The following IQUB variants were observed in gnomAD, a reference collection of about 807,000 sequenced individuals.
IQUB encodes the protein IQ motif and ubiquitin domain containing.
IQUB carries 86 observed loss-of-function variants against 86.4 expected under a neutral mutation model. The observed-to-expected ratio is 1.00, with a 90% confidence interval of 0.84 to 1.19. The LOEUF (loss-of-function observed/expected upper bound fraction) is 1.19, where lower values mean the gene tolerates loss of function less well. IQUB is among the 50% of genes most tolerant of loss of function. The pLI is 0.00. For synonymous variants in IQUB, 289 were observed against 304.5 expected (o/e 0.95, Z 0.53); for missense variants, 946 against 916.9 (o/e 1.03, Z -0.41).
At chr7:123,475,020 A>G (rs1291285184) in intron 8 of IQUB, among the ~76,000 whole-genome samples, 1 of 152,168 alleles carries the variant, frequency 6.6e-6, no homozygotes, top group African/African-American at 2.4e-5. Context: ...CTGGACATGG[A>G]GCCCAGCTTA....
chr7:123,456,170 C>T (rs922753467), intron 12 of IQUB, among the ~76,000 whole-genome samples: 1 of 151,998 alleles, frequency 6.6e-6, no homozygotes, highest in African/African-American at 2.4e-5. Flanking sequence ...TTCGATAAGA[C>T]TGGCATTCTA....
chr7:123,491,358 T>C (rs76468474), intron 7 of IQUB, among the ~76,000 whole-genome samples: 2,521 of 151,296 alleles, frequency 0.017, 70 homozygotes, highest in African/African-American at 0.058. Context: ...AGGAAATAAA[T>C]AACAATAGAA....
At chr7:123,469,506 C>G (rs1006210409) in intron 8 of IQUB, 122 bp from the exon 9 acceptor site, 1 of 476,370 alleles carries the variant, frequency 2.1e-6, no homozygotes, top group African/African-American at 2.0e-5. Flanking sequence ...ATTGCTAAAG[C>G]TTATGAAAAT....
Position 123,464,994 on chromosome 7 carries a change from GTTTACAT to G in IQUB, c.1590_1596del (p.Glu530AspfsTer2), listed in dbSNP as rs1277180208. The G allele has an allele frequency of 1.9e-6, 3 of 1,586,138 alleles. No homozygotes were observed. Among genetic ancestry groups the G allele is most frequent in the Non-Finnish European group, 2.6e-6 (3 of 1,165,940 alleles). On this transcript the variant is annotated frameshift_variant, in exon 10 of 13. Coordinates refer to ENST00000324698, the MANE Select transcript of IQUB (RefSeq NM_178827.5). LOFTEE classifies it high-confidence loss of function. Reference sequence around the variant, plus strand: ...ATCAATTCTAGAATTTCCTGAGTTAGTTTACATTCATGTTCCTATATAAAACACAAAA... The same window carrying G: ...ATCAATTCTAGAATTTCCTGAGTTAGTCATGTTCCTATATAAAACACAAAA...
At position 123,512,031 on chromosome 7, in the gene IQUB, G is replaced by C; in HGVS notation, c.310C>G (p.Pro104Ala). 1 of 1,613,136 alleles carries C rather than the reference G, an allele frequency of 6.2e-7. No homozygotes were observed. The highest frequency in any genetic ancestry group is 8.5e-7 in the Non-Finnish European group (1 of 1,179,290). ...HHEKQYAMQRPNDDSLAFLDK... is the reference protein window; with the variant it reads ...HHEKQYAMQRANDDSLAFLDK... ...AGAAATGCCAAACTATCATCATTTG[G>C]CCTCTGCATTGCATATTGCTTTTCA... Residue 104 changes from proline (P) to alanine (A), a missense_variant, in exon 2 of 13, where the codon CCA becomes GCA. Pro to Ala is a conservative substitution (Grantham distance 27, BLOSUM62 -1). Transcript: ENST00000324698.
intron 8 of IQUB, among the ~76,000 whole-genome samples, chr7:123,475,373 CTTTT>C (rs35957699): frequency 1.1e-5 from 1 of 92,936 alleles, no homozygotes; most frequent in Non-Finnish European, 2.2e-5. Flanking sequence ...CTCCATTTCA[CTTTT>C]TTTTTTTTTT....
In IQUB at chr7:123,493,774, T is replaced by C. The variant is rs73720261; in HGVS notation, c.1234+2922A>G. On this transcript the variant is annotated intron_variant, in intron 7 of 12. Transcript: ENST00000324698. Reference sequence around the variant, plus strand: ...GTGTGTGTGTGTGTGTGTGTGTGTGTGCATGTGTGTATATATACATATACA... The same window carrying C: ...GTGTGTGTGTGTGTGTGTGTGTGTGCGCATGTGTGTATATATACATATACA... Among the ~76,000 whole-genome samples, 1,252 of 144,846 alleles carry C rather than the reference T, an allele frequency of 8.6e-3. 14 individuals carry two copies. Among genetic ancestry groups the C allele is most frequent in the African/African-American group, 0.029 (1,134 of 38,686 alleles).
At chr7:123,459,090 A>C (rs1486009346) in intron 11 of IQUB, among the ~76,000 whole-genome samples, 1 of 151,960 alleles carries the variant, frequency 6.6e-6, no homozygotes, top group Non-Finnish European at 1.5e-5. Flanking sequence ...AGGGGGGGGA[A>C]GCTACTGGAC....
chr7:123,521,575 C>T (rs1301014094), intron 1 of IQUB, among the ~76,000 whole-genome samples: 2 of 151,532 alleles, frequency 1.3e-5, no homozygotes, highest in South Asian at 2.1e-4. Context: ...TCAGCCAGGG[C>T]GGTGGAGATT....
chr7:123,508,215 A>C (rs1425161304), intron 3 of IQUB, among the ~76,000 whole-genome samples: 2 of 152,182 alleles, frequency 1.3e-5, no homozygotes, highest in East Asian at 3.9e-4. Context: ...CAAGAAATGC[A>C]ACTCTAAAAG....
chr7:123,508,083 A>G (rs957744970), intron 3 of IQUB, among the ~76,000 whole-genome samples: 6 of 152,156 alleles, frequency 3.9e-5, no homozygotes, highest in African/African-American at 1.4e-4. Flanking sequence ...TCCCCTTATT[A>G]GAGGAAGGAA....
chr7:123,530,482 C>A (rs1324532465), intron 1 of IQUB, among the ~76,000 whole-genome samples: 1 of 151,704 alleles, frequency 6.6e-6, no homozygotes, highest in African/African-American at 2.4e-5. Context: ...AACAACAACA[C>A]CAAAAAACCC....
chr7:123,487,909 T>G (rs972058745), intron 7 of IQUB, among the ~76,000 whole-genome samples: 2 of 152,202 alleles, frequency 1.3e-5, no homozygotes, highest in African/African-American at 4.8e-5. Flanking sequence ...CCTTTTTAGG[T>G]GATTTCCTTT....
chr7:123,479,429 C>A (rs1036452728), intron 8 of IQUB, among the ~76,000 whole-genome samples: 3 of 152,112 alleles, frequency 2.0e-5, no homozygotes, highest in Non-Finnish European at 4.4e-5. Flanking sequence ...GCACCCCAGA[C>A]CTAGATGTTT....
intron 7 of IQUB, among the ~76,000 whole-genome samples, chr7:123,494,388 G>A (rs1046247164): frequency 6.6e-6 from 1 of 152,120 alleles, no homozygotes; most frequent in African/African-American, 2.4e-5. Flanking sequence ...CCACAAGAGG[G>A]CAGCAGCTCC....
At chr7:123,525,771 C>A (rs1275216527) in intron 1 of IQUB, among the ~76,000 whole-genome samples, 3 of 151,842 alleles carry the variant, frequency 2.0e-5, no homozygotes, top group African/African-American at 7.3e-5. Flanking sequence ...TCTTGCTTTT[C>A]TAGTTCTTTT....
In IQUB at chr7:123,534,578, T is replaced by C. The variant is rs573957929; in HGVS notation, c.-91A>G. Reference sequence around the variant, plus strand: ...CCATACTCGCCGCGTTCTCAGCTGTTGGTCGTATCCTAGCAACGGCCCTGG... The same window carrying C: ...CCATACTCGCCGCGTTCTCAGCTGTCGGTCGTATCCTAGCAACGGCCCTGG... On this transcript the variant is annotated 5_prime_UTR_variant, in exon 1 of 13. Coordinates refer to ENST00000324698, the MANE Select transcript of IQUB (RefSeq NM_178827.5). The C allele has an allele frequency of 1.8e-3, 271 of 154,342 alleles. 1 individual carries two copies. Among genetic ancestry groups the C allele is most frequent in the Non-Finnish European group, 3.4e-3 (236 of 69,044 alleles). The allele number at this position is 154,342 out of a possible 1,614,324, so 9.6% of individuals were successfully genotyped here. A position where few individuals can be genotyped will look rare whatever the true frequency, so the allele number is the denominator to read the frequency against.
intron 7 of IQUB, among the ~76,000 whole-genome samples, chr7:123,486,356 C>T (rs1005088103): frequency 6.6e-6 from 1 of 152,096 alleles, no homozygotes; most frequent in Non-Finnish European, 1.5e-5. Flanking sequence ...TCCTGCACAC[C>T]CTTTGAAGCC....
chr7:123,523,780 C>T (rs28834523), intron 1 of IQUB, among the ~76,000 whole-genome samples: 41,615 of 151,592 alleles, frequency 0.27, 5,822 homozygotes, highest in East Asian at 0.32. Context: ...TCCTTGCCCA[C>T]GCCTATGTCC....
Sources: gnomAD v4.1 joint callset for allele counts (sites outside exome capture counted in the v4.1 genomes callset) on GRCh38, gnomAD v4.1.1 for gene constraint, MANE v1.5 for transcripts, NCBI Gene and HGNC (gene_info 2026-07-23, HGNC 2026-07-21) for gene names.